The following SMARCD3 variants were observed in gnomAD, a reference collection of about 807,000 sequenced individuals.
SMARCD3 encodes the protein SWI/SNF-related matrix-associated actin-dependent regulator of chromatin subfamily D member 3.
In SMARCD3, 14 loss-of-function variants were observed where a neutral mutation model predicts 58.0. That is an observed-to-expected ratio of 0.24 (90% CI 0.16 to 0.38). The LOEUF is 0.38. Ranked by LOEUF, SMARCD3 falls within the 10% of genes least tolerant of loss-of-function variation. SMARCD3 has a pLI of 1.00. For missense variants in SMARCD3, 408 were observed against 636.9 expected, an observed-to-expected ratio of 0.64 and a Z score of 3.87; for synonymous variants, 253 against 253.8, an observed-to-expected ratio of 1.00 and a Z score of 0.03.
rs1212166151 is a variant in SMARCD3, at chr7:151,241,102, CA to C, written c.939+389del. The C allele has an allele frequency of 3.2e-6, 1 of 309,220 alleles. No homozygotes were observed. The highest frequency in any genetic ancestry group is 6.3e-6 in the Non-Finnish European group (1 of 159,176). The allele number at this position is 309,220 out of a possible 1,614,324, so 19.2% of individuals were successfully genotyped here. On this transcript the variant is annotated intron_variant, in intron 8 of 12. Coordinates refer to ENST00000262188, the MANE Select transcript of SMARCD3 (RefSeq NM_001003801.2). This position sits in a 1 kb window ranked among gnomAD's most constrained non-coding sequence, Gnocchi z 5.3. ...TAACTGCCCAGGAGAGTAGATAGGA[CA>C]GGTATTGTCACTCCACTTCAAAGAT...
intron 2 of SMARCD3, among the ~76,000 whole-genome samples, chr7:151,271,065 T>C (rs1348365810): frequency 1.3e-5 from 2 of 152,140 alleles, no homozygotes. Context: ...TACTCCCTTG[T>C]CTTCATGTGT....
At position 151,240,600 on chromosome 7, in the gene SMARCD3, A is replaced by C; in HGVS notation, c.940-78T>G. 2.8e-6 allele frequency: 3 copies of C among 1,073,556 alleles called. No individual in the cohort carries two copies. In the South Asian group the frequency reaches 4.4e-5, roughly 16 times the overall value. The allele number at this position is 1,073,556 out of a possible 1,614,324, so 66.5% of individuals were successfully genotyped here. On this transcript the variant is annotated intron_variant, in intron 8 of 12. Coordinates refer to ENST00000262188, the MANE Select transcript of SMARCD3 (RefSeq NM_001003801.2). ...ATGCAGTTGTAGATCCTTTTGTTCT[A>C]GAAAGGCCACAAGAAGCTGAGAGGA...
upstream of SMARCD3, chr7:151,248,770 C>A: frequency 2.1e-6 from 2 of 935,100 alleles, no homozygotes; most frequent in Non-Finnish European, 2.6e-6. This position sits in a 1 kb window ranked among gnomAD's most constrained non-coding sequence, Gnocchi z 6.1. Flanking sequence ...GCCGCCGCCG[C>A]CGCCGCGGCT....
Position 151,245,544 on chromosome 7 carries a change from C to A in SMARCD3, c.206G>T (p.Arg69Leu). 8.2e-7 allele frequency: 1 copy of A among 1,215,900 alleles called. No individual in the cohort carries two copies. Among genetic ancestry groups the A allele is most frequent in the Non-Finnish European group, 1.0e-6 (1 of 975,252 alleles). 75.3% of individuals were successfully genotyped at this position (1,215,900 alleles called of 1,614,324 possible). The change falls in exon 2 of 13, where the codon CGC (arginine) becomes CTC (leucine). Residue 69 changes from arginine (R) to leucine (L), a missense_variant. Physicochemically the swap from Arg to Leu is moderately radical, Grantham distance 102. This residue lies in a region of SMARCD3 where 128 missense variants were observed against 188.8 expected (regional missense o/e 0.68). Transcript: ENST00000262188. The surrounding 1 kb of genome is among the most constrained non-coding windows in gnomAD (Gnocchi z 6.2). ...CCCGGGCGGGGGCGCTGCTCGCTTGCGGGCGGGCTCCATGCCCGCGGGGGC... is the reference window on the plus strand; with the variant it reads ...CCCGGGCGGGGGCGCTGCTCGCTTGAGGGCGGGCTCCATGCCCGCGGGGGC... ...GLAPAGMEPARKRAAPPPGQS... is the reference protein window; with the variant it reads ...GLAPAGMEPALKRAAPPPGQS...
At chr7:151,264,696 A>C (rs573840316) in intron 2 of SMARCD3, among the ~76,000 whole-genome samples, 24 of 152,306 alleles carry the variant, frequency 1.6e-4, no homozygotes, top group Non-Finnish European at 1.5e-5. Context: ...TGGGGAGCCC[A>C]GTGGAGCTGG....
At chr7:151,253,466 G>A (rs2150603186), upstream of SMARCD3, among the ~76,000 whole-genome samples, 2 of 152,312 alleles carry the variant, frequency 1.3e-5, no homozygotes, top group South Asian at 4.1e-4. Context: ...GCGAAGGTTA[G>A]TGGAATGAAT....
chr7:151,252,777 G>T (rs1364707812), upstream of SMARCD3, among the ~76,000 whole-genome samples: 1 of 152,130 alleles, frequency 6.6e-6, no homozygotes, highest in Non-Finnish European at 1.5e-5. Context: ...CCTCCTCCTG[G>T]CTGCCCCCAT....
At chr7:151,253,479 G>A (rs188334022), upstream of SMARCD3, among the ~76,000 whole-genome samples, 369 of 152,270 alleles carry the variant, frequency 2.4e-3, 1 homozygote, top group African/African-American at 8.4e-3. Flanking sequence ...GAATGAATGA[G>A]GCCTCCTTCC....
intron 2 of SMARCD3, among the ~76,000 whole-genome samples, chr7:151,262,938 G>A (rs756528762): frequency 6.6e-5 from 10 of 152,172 alleles, no homozygotes; most frequent in Non-Finnish European, 1.2e-4. Context: ...CAGGTGCCCT[G>A]CAGAGCCCAG....
rs774171415 is a variant in SMARCD3, at chr7:151,239,785, G to C, written c.1174-39C>G. 2 of 1,610,952 alleles carry C rather than the reference G, an allele frequency of 1.2e-6. No individual in the cohort carries two copies. Among genetic ancestry groups the C allele is most frequent in the Middle Eastern group, 1.7e-4 (1 of 5,816 alleles). On this transcript the variant is annotated intron_variant, in intron 10 of 12. Transcript: ENST00000262188. This position sits in a 1 kb window ranked among gnomAD's most constrained non-coding sequence, Gnocchi z 7.0. ...GATAGATGCTTTCCACCTGGCTTTG[G>C]TGATGTGGGAGACGAGGGGAAAGGA...
At position 151,242,435 on chromosome 7, in the gene SMARCD3, C is replaced by T. The variant is rs146343141; in HGVS notation, c.579+46G>A. 110 of 1,604,600 alleles carry T rather than the reference C, an allele frequency of 6.9e-5. 1 individual carries two copies. The African/African-American group carries it at 1.2e-3, about 18-fold the overall frequency. The stretch of plus-strand genomic sequence containing the variant: ...CACCTTGTTCTGTTCTCAGTGCAGC[C>T]CATGCCCACCCCAGGACACCTGGAG... On this transcript the variant is annotated intron_variant, in intron 5 of 12. Coordinates refer to ENST00000262188, the MANE Select transcript of SMARCD3 (RefSeq NM_001003801.2). The surrounding 1 kb of genome is among the most constrained non-coding windows in gnomAD (Gnocchi z 4.7).
In SMARCD3 at chr7:151,241,705, C is replaced by G. The variant is rs894977456; in HGVS notation, c.778-52G>C. ...GACCAAAGGGAGAGAAAGGAAGGAG[C>G]CCAGGGCCAGGCCATTCAGGACTAG... On this transcript the variant is annotated intron_variant, in intron 7 of 12. Transcript: ENST00000262188. This position sits in a 1 kb window ranked among gnomAD's most constrained non-coding sequence, Gnocchi z 5.3. 25 of 1,548,786 alleles carry G rather than the reference C, an allele frequency of 1.6e-5. No homozygotes were observed. Among genetic ancestry groups the G allele is most frequent in the Non-Finnish European group, 2.2e-5 (25 of 1,132,316 alleles).
Position 151,239,798 on chromosome 7 carries a change from C to G in SMARCD3, c.1174-52G>C, listed in dbSNP as rs567759514. On this transcript the variant is annotated intron_variant, in intron 10 of 12. Coordinates refer to ENST00000262188, the MANE Select transcript of SMARCD3 (RefSeq NM_001003801.2). The surrounding 1 kb of genome is among the most constrained non-coding windows in gnomAD (Gnocchi z 7.0). ...CACCTGGCTTTGGTGATGTGGGAGA[C>G]GAGGGGAAAGGAAGCGGGTGGGAAG... 18 of 1,551,456 alleles carry G rather than the reference C, an allele frequency of 1.2e-5. No individual in the cohort carries two copies. Among genetic ancestry groups the G allele is most frequent in the Non-Finnish European group, 1.6e-5 (18 of 1,129,732 alleles).
In SMARCD3 at chr7:151,248,552, T is replaced by C. The variant is rs1262822826; in HGVS notation, c.11A>G (p.Asp4Gly). ...TTTGCGCGCCCCTCCGGCAACTTCG[T>C]CCGCGGCCATCGGGGTGGGCTCAGC... MAA[D>G]EVAGGARKAT... The change falls in exon 1 of 13, where the codon GAC becomes GGC. Residue 4 changes from aspartate (D) to glycine (G), a missense_variant. This residue lies in a region of SMARCD3 where 84 missense variants were observed against 81.2 expected (regional missense o/e 1.03). Coordinates refer to ENST00000262188, the MANE Select transcript of SMARCD3 (RefSeq NM_001003801.2). This position sits in a 1 kb window ranked among gnomAD's most constrained non-coding sequence, Gnocchi z 6.1. 8.7e-6 allele frequency: 14 copies of C among 1,613,722 alleles called. No individual in the cohort carries two copies. Among genetic ancestry groups the C allele is most frequent in the Non-Finnish European group, 1.2e-5 (14 of 1,179,756 alleles).
intron 2 of SMARCD3, among the ~76,000 whole-genome samples, chr7:151,258,997 C>T (rs1349948832): frequency 6.6e-6 from 1 of 152,124 alleles, no homozygotes; most frequent in Non-Finnish European, 1.5e-5. Context: ...CCTACCCTTC[C>T]ACCCTTCTAT....
Position 151,242,573 on chromosome 7 carries a change from T to TG in SMARCD3, c.486dup (p.Asn163GlnfsTer4). On this transcript the variant is annotated frameshift_variant, in exon 5 of 13. Transcript: ENST00000262188. LOFTEE classifies it high-confidence loss of function. This position sits in a 1 kb window ranked among gnomAD's most constrained non-coding sequence, Gnocchi z 4.7. ...TCAGGCTTCGCAGGGTTAAAAGTGT[T>TG]GGAGATATAGAGTCGCAGCTTCCGC... The TG allele has an allele frequency of 6.2e-7, 1 of 1,613,882 alleles. No homozygotes were observed. Among genetic ancestry groups the TG allele is most frequent in the Non-Finnish European group, 8.5e-7 (1 of 1,179,834 alleles).
chr7:151,274,026 G>A lies in SMARCD3; in HGVS notation c.39+1088C>T, dbSNP rs150865804. ...TCTGCCCACAGCCCCAGGCCTCCCCGAGCCTCAGGCTCCTCTGGGCCATTT... is the reference window on the plus strand; with the variant it reads ...TCTGCCCACAGCCCCAGGCCTCCCCAAGCCTCAGGCTCCTCTGGGCCATTT... On this transcript the variant is annotated intron_variant, in intron 2 of 13. Coordinates refer to the SMARCD3 transcript ENST00000356800. Among the ~76,000 whole-genome samples, 247 of 152,344 alleles carry A rather than the reference G, an allele frequency of 1.6e-3. 1 individual carries two copies. The highest frequency in any genetic ancestry group is 5.5e-3 in the African/African-American group (230 of 41,578).
chr7:151,267,950 C>T (rs1219651194), intron 2 of SMARCD3, among the ~76,000 whole-genome samples: 1 of 152,234 alleles, frequency 6.6e-6, no homozygotes, highest in East Asian at 1.9e-4. Flanking sequence ...GTACTCCAGC[C>T]TAGGCGACAG....
At chr7:151,255,503 A>C (rs1226711688) in intron 2 of SMARCD3, among the ~76,000 whole-genome samples, 3 of 150,838 alleles carry the variant, frequency 2.0e-5, no homozygotes. Context: ...CCGGAGCACC[A>C]CTCCTGTCCA....
Sources: gnomAD v4.1 joint callset for allele counts (sites outside exome capture counted in the v4.1 genomes callset) on GRCh38, gnomAD v4.1.1 for gene constraint, gnomAD v4.1.1 regional missense constraint, Gnocchi (gnomAD v3.1) non-coding constraint, MANE v1.5 for transcripts, NCBI Gene and HGNC (gene_info 2026-07-23, HGNC 2026-07-21) for gene names.